The following TC2N variants were observed in gnomAD, a reference collection of about 807,000 sequenced individuals.
The protein encoded by TC2N is tandem C2 domains nuclear protein.
A neutral mutation model predicts 61.9 loss-of-function variants in TC2N; 51 were observed. That is an observed-to-expected ratio of 0.82 (90% CI 0.66 to 1.04). The LOEUF is 1.04. TC2N is among the 50% of genes least tolerant of loss of function. The pLI is 0.00. For missense variants in TC2N, 556 were observed against 566.7 expected (o/e 0.98, Z 0.19); for synonymous variants, 204 against 192.6 (o/e 1.06, Z -0.49).
chr14:91,802,427 A>G lies in TC2N; in HGVS notation c.302-6T>C. On this transcript the variant is annotated splice_region_variant and splice_polypyrimidine_tract_variant and intron_variant, in intron 3 of 11. Coordinates refer to ENST00000435962, the MANE Select transcript of TC2N (RefSeq NM_001128596.3). The stretch of plus-strand genomic sequence containing the variant: ...AAAAGATGCTCTGGCAGATCCTGAA[A>G]GCAAATGTTTCTAAAAGTTTATAAC... 1 of 1,609,504 alleles carries G rather than the reference A, an allele frequency of 6.2e-7. No homozygotes were observed. The highest frequency in any genetic ancestry group is 8.5e-7 in the Non-Finnish European group (1 of 1,178,358).
At chr14:91,799,124 C>T in intron 5 of TC2N, 60 bp from the exon 6 acceptor site, 1 of 1,057,562 alleles carries the variant, frequency 9.5e-7, no homozygotes, top group South Asian at 1.4e-5. Flanking sequence ...GATTCTGATA[C>T]ATATGCCTCA....
intron 1 of TC2N, among the ~76,000 whole-genome samples, chr14:91,838,437 T>C (rs926741402): frequency 5.9e-5 from 9 of 152,234 alleles, no homozygotes; most frequent in Non-Finnish European, 1.0e-4. Context: ...TGAGCCACAG[T>C]GCCCAGCTTC....
Position 91,802,247 on chromosome 14 carries a change from T to G in TC2N, c.469+7A>C. 6.6e-7 allele frequency: 1 copy of G among 1,526,584 alleles called. No individual in the cohort carries two copies. Among genetic ancestry groups the G allele is most frequent in the Non-Finnish European group, 8.7e-7 (1 of 1,143,986 alleles). The allele number at this position is 1,526,584 out of a possible 1,614,324, so 94.6% of individuals were successfully genotyped here. On this transcript the variant is annotated splice_region_variant and intron_variant, in intron 4 of 11. Transcript: ENST00000435962. ...ACAGAGAGGAAAAGCACAAAAGATC[T>G]TCATACCCGATCCATACAGTCTCTT...
At position 91,783,163 on chromosome 14, in the gene TC2N, C is replaced by CCACTGGTT; in HGVS notation, c.1402_1409dup (p.Trp470Ter). 1 of 1,612,008 alleles carries CCACTGGTT rather than the reference C, an allele frequency of 6.2e-7. No individual in the cohort carries two copies. The highest frequency in any genetic ancestry group is 8.5e-7 in the Non-Finnish European group (1 of 1,178,700). ...TTTCTGGATTTATTACTGTCTCTTT[C>CCACTGGTT]CACTGGTTCACTGCTTCAATGTTAT... On this transcript the variant is annotated stop_gained and frameshift_variant, in exon 12 of 12. Transcript: ENST00000435962. LOFTEE classifies it high-confidence loss of function.
chr14:91,820,908 TTA>T (rs1887217838), intron 1 of TC2N, among the ~76,000 whole-genome samples: 1 of 152,020 alleles, frequency 6.6e-6, no homozygotes, highest in Non-Finnish European at 1.5e-5. Flanking sequence ...AGTACAAGAC[TTA>T]TACACTGCAA....
chr14:91,808,948 A>G (rs1886643528), intron 3 of TC2N, among the ~76,000 whole-genome samples: 1 of 152,216 alleles, frequency 6.6e-6, no homozygotes, highest in East Asian at 1.9e-4. Context: ...ACAAGGCTGC[A>G]TGGTTTAATC....
intron 1 of TC2N, among the ~76,000 whole-genome samples, chr14:91,863,843 A>C (rs2139929237): frequency 6.6e-6 from 1 of 151,734 alleles, no homozygotes; most frequent in African/African-American, 2.4e-5. Context: ...AAAAAAAAAA[A>C]AAAAAGCCTG....
At chr14:91,788,463 A>G (rs1885470146) in intron 9 of TC2N, among the ~76,000 whole-genome samples, 1 of 152,216 alleles carries the variant, frequency 6.6e-6, no homozygotes, top group Non-Finnish European at 1.5e-5. Context: ...TAAAGTAGGA[A>G]CATAATGTTC....
chr14:91,852,486 C>G (rs1444357057), intron 1 of TC2N, among the ~76,000 whole-genome samples: 1 of 152,094 alleles, frequency 6.6e-6, no homozygotes, highest in African/African-American at 2.4e-5. Flanking sequence ...GGAAACCTGC[C>G]TTTGATCACA....
At position 91,792,364 on chromosome 14, in the gene TC2N, T is replaced by C. The variant is rs1257898608; in HGVS notation, c.1047+3A>G. 1 of 1,582,418 alleles carries C rather than the reference T, an allele frequency of 6.3e-7. No homozygotes were observed. Among genetic ancestry groups the C allele is most frequent in the East Asian group, 2.2e-5 (1 of 44,620 alleles). ...ATACTCTTAACATACTATTATCGCTTACAGAAATTTTTGAAGGTGGTGTTA... is the reference window on the plus strand; with the variant it reads ...ATACTCTTAACATACTATTATCGCTCACAGAAATTTTTGAAGGTGGTGTTA... On this transcript the variant is annotated splice_donor_region_variant and intron_variant, in intron 9 of 11. Transcript: ENST00000435962.
chr14:91,803,348 C>T (rs1234470938), intron 3 of TC2N, among the ~76,000 whole-genome samples: 2 of 151,020 alleles, frequency 1.3e-5, no homozygotes, highest in Non-Finnish European at 3.0e-5. Flanking sequence ...TTAAATGGAA[C>T]ATAAAGAGCA....
intron 1 of TC2N, among the ~76,000 whole-genome samples, chr14:91,855,446 T>C (rs1191770860): frequency 6.6e-6 from 1 of 152,216 alleles, no homozygotes; most frequent in Admixed American, 6.5e-5. Context: ...TTGAAGTTCC[T>C]TGGCTTATAG....
chr14:91,785,319 A>C lies in TC2N; in HGVS notation c.1205T>G (p.Ile402Ser). The change falls in exon 11 of 12, where the codon ATT becomes AGT. Residue 402 changes from isoleucine (I) to serine (S), a missense_variant. Transcript: ENST00000435962. ...CAGTAAGCGTGTCTTTTTCTTATAA[A>C]TCAACTCTCCCGAGCTAAACATTCC... Reference protein sequence around the residue: ...KVGMFSSGELIYKKKTRLLKA... With the variant: ...KVGMFSSGELSYKKKTRLLKA... The C allele has an allele frequency of 6.2e-7, 1 of 1,613,816 alleles. No homozygotes were observed. The highest frequency in any genetic ancestry group is 8.5e-7 in the Non-Finnish European group (1 of 1,179,854).
At chr14:91,857,677 A>G (rs1041482782) in intron 1 of TC2N, among the ~76,000 whole-genome samples, 4 of 152,218 alleles carry the variant, frequency 2.6e-5, no homozygotes, top group South Asian at 2.1e-4. Context: ...ACCCAAATTC[A>G]GGTCTATTCA....
intron 3 of TC2N, among the ~76,000 whole-genome samples, chr14:91,805,633 C>A (rs564098227): frequency 2.0e-5 from 3 of 151,716 alleles, no homozygotes; most frequent in African/African-American, 7.3e-5. Context: ...CCACTGCACT[C>A]CAGCTTGGTG....
chr14:91,823,644 T>A (rs933843102), intron 1 of TC2N, among the ~76,000 whole-genome samples: 3 of 152,004 alleles, frequency 2.0e-5, no homozygotes, highest in African/African-American at 7.2e-5. Context: ...GCTTCACAAC[T>A]TTTTCTAATA....
chr14:91,817,583 C>A (rs910641790), intron 1 of TC2N, among the ~76,000 whole-genome samples: 14 of 152,056 alleles, frequency 9.2e-5, no homozygotes, highest in African/African-American at 2.7e-4. Flanking sequence ...TCAGCAAATA[C>A]CTAGTTGATA....
chr14:91,789,162 G>A (rs908615628), intron 9 of TC2N, among the ~76,000 whole-genome samples: 1 of 152,050 alleles, frequency 6.6e-6, no homozygotes, highest in Non-Finnish European at 1.5e-5. Context: ...GTCTCTTATT[G>A]TTACACAATT....
At chr14:91,819,207 G>A (rs1020210812) in intron 1 of TC2N, among the ~76,000 whole-genome samples, 5 of 152,150 alleles carry the variant, frequency 3.3e-5, no homozygotes, top group African/African-American at 7.2e-5. Flanking sequence ...GTGTGTGCTT[G>A]TAATCCCAGC....
Sources: gnomAD v4.1 joint callset for allele counts (sites outside exome capture counted in the v4.1 genomes callset) on GRCh38, gnomAD v4.1.1 for gene constraint, MANE v1.5 for transcripts, NCBI Gene and HGNC (gene_info 2026-07-23, HGNC 2026-07-21) for gene names.